Variants in TCF7L1 observed in about 807,000 individuals in gnomAD.
The protein encoded by TCF7L1 is transcription factor 7 like 1, also known as transcription factor 7-like 1.
In TCF7L1, 18 loss-of-function variants were observed where a neutral mutation model predicts 63.7. The observed-to-expected ratio is 0.28, with a 90% CI of 0.20 to 0.42. The LOEUF is 0.42. TCF7L1 is among the 10% of genes least tolerant of loss of function. The pLI is 1.00. For synonymous variants in TCF7L1, 355 were observed against 340.9 expected (o/e 1.04, Z -0.46); for missense variants, 654 against 779.3 (o/e 0.84, Z 1.91).
chr2:85,149,268 C>G (rs1354761532), intron 3 of TCF7L1, among the ~76,000 whole-genome samples: 1 of 148,016 alleles, frequency 6.8e-6, no homozygotes, highest in Non-Finnish European at 1.5e-5. Context: ...TAGCTATCAA[C>G]AAGATAATGT....
chr2:85,152,713 G>A (rs1390753305), intron 3 of TCF7L1, among the ~76,000 whole-genome samples: 2 of 134,278 alleles, frequency 1.5e-5, no homozygotes, highest in Non-Finnish European at 3.1e-5. Context: ...GGGATTACAG[G>A]TGTGAGCCAC....
chr2:85,151,974 A>G (rs967698905), intron 3 of TCF7L1, among the ~76,000 whole-genome samples: 29 of 152,372 alleles, frequency 1.9e-4, no homozygotes, highest in African/African-American at 3.8e-4. Context: ...AAGGTGACCA[A>G]TGAAGCTTAA....
chr2:85,287,725 A>G (rs534452272), intron 4 of TCF7L1, among the ~76,000 whole-genome samples: 2 of 152,302 alleles, frequency 1.3e-5, no homozygotes, highest in East Asian at 3.9e-4. Context: ...AGATGGGGAG[A>G]AGACCATCAT....
chr2:85,285,315 T>C (rs1364672755), intron 4 of TCF7L1, among the ~76,000 whole-genome samples: 1 of 152,018 alleles, frequency 6.6e-6, no homozygotes, highest in African/African-American at 2.4e-5. Context: ...GAAAGCTAAA[T>C]AAATAAGGGT....
intron 3 of TCF7L1, among the ~76,000 whole-genome samples, chr2:85,212,285 A>G (rs1679572138): frequency 6.6e-6 from 1 of 152,052 alleles, no homozygotes; most frequent in African/African-American, 2.4e-5. Context: ...TGGACCCACC[A>G]CTTACCAGCT....
chr2:85,157,199 C>T (rs1384146246), intron 3 of TCF7L1, among the ~76,000 whole-genome samples: 1 of 152,156 alleles, frequency 6.6e-6, no homozygotes, highest in African/African-American at 2.4e-5. Context: ...GAACAGTGTT[C>T]CTAATGTCAC....
At chr2:85,162,051 G>C (rs969050973) in intron 3 of TCF7L1, among the ~76,000 whole-genome samples, 3 of 151,266 alleles carry the variant, frequency 2.0e-5, no homozygotes, top group African/African-American at 7.3e-5. Context: ...CCCAAAAGTT[G>C]AGATTTAAAA....
chr2:85,250,545 T>G (rs1680564579), intron 3 of TCF7L1, among the ~76,000 whole-genome samples: 1 of 152,058 alleles, frequency 6.6e-6, no homozygotes, highest in Non-Finnish European at 1.5e-5. Flanking sequence ...CAAGCGATTC[T>G]CGTGCCTCAG....
At chr2:85,262,405 A>G (rs1041133899) in intron 3 of TCF7L1, 1 of 384,676 alleles carries the variant, frequency 2.6e-6, no homozygotes, top group Non-Finnish European at 5.2e-6. Flanking sequence ...AAAAAAAAAA[A>G]CTAAAAAGAA....
At chr2:85,260,934 CTGAGAAT>C (rs1391544011) in intron 3 of TCF7L1, among the ~76,000 whole-genome samples, 2 of 152,268 alleles carry the variant, frequency 1.3e-5, no homozygotes, top group African/African-American at 4.8e-5. Context: ...ATTACAATGA[CTGAGAAT>C]TTGCTCTCCC....
At chr2:85,247,737 A>C (rs1680497758) in intron 3 of TCF7L1, among the ~76,000 whole-genome samples, 1 of 152,218 alleles carries the variant, frequency 6.6e-6, no homozygotes, top group East Asian at 1.9e-4. Context: ...GCTGGATTCC[A>C]TTTCTTTGTG....
intron 3 of TCF7L1, among the ~76,000 whole-genome samples, chr2:85,238,707 C>T (rs1025608960): frequency 6.6e-6 from 1 of 152,016 alleles, no homozygotes; most frequent in Non-Finnish European, 1.5e-5. Context: ...CAGAGGACTG[C>T]GCAGCACAGT....
chr2:85,203,406 C>G (rs1057451325), intron 3 of TCF7L1, among the ~76,000 whole-genome samples: 3 of 152,126 alleles, frequency 2.0e-5, no homozygotes, highest in African/African-American at 7.2e-5. Flanking sequence ...TCAGACTCAG[C>G]TAAATGGAAA....
chr2:85,256,976 C>G (rs1421352393), intron 3 of TCF7L1, among the ~76,000 whole-genome samples: 1 of 107,402 alleles, frequency 9.3e-6, no homozygotes, highest in Non-Finnish European at 2.2e-5. Context: ...GAGTGAGACT[C>G]TGTCTTAAAA....
chr2:85,283,992 CTGTTTTTGTTTTTGTTTT>C (rs548206677), intron 4 of TCF7L1, among the ~76,000 whole-genome samples: 2 of 152,158 alleles, frequency 1.3e-5, no homozygotes, highest in African/African-American at 4.8e-5. Context: ...AGAGGCTCTT[CTGTTTTTGTTTTTGTTTT>C]TGTTTTTGTT....
intron 3 of TCF7L1, among the ~76,000 whole-genome samples, chr2:85,231,040 A>G (rs1223404049): frequency 6.6e-6 from 1 of 152,222 alleles, no homozygotes; most frequent in African/African-American, 2.4e-5. Context: ...AAATGTTCCC[A>G]GAAACATTAT....
intron 3 of TCF7L1, among the ~76,000 whole-genome samples, chr2:85,270,231 G>C (rs1033589709): frequency 9.9e-5 from 15 of 152,204 alleles, no homozygotes; most frequent in Non-Finnish European, 2.2e-4. Flanking sequence ...TCAATACCTG[G>C]GATGCTTTCC....
chr2:85,164,039 G>A (rs1678353698), intron 3 of TCF7L1, among the ~76,000 whole-genome samples: 1 of 152,112 alleles, frequency 6.6e-6, no homozygotes, highest in South Asian at 2.1e-4. Flanking sequence ...GGTGTATGAG[G>A]GGGATTCAAT....
At chr2:85,207,910 T>G (rs1056194832) in intron 3 of TCF7L1, among the ~76,000 whole-genome samples, 3 of 151,794 alleles carry the variant, frequency 2.0e-5, no homozygotes, top group African/African-American at 7.3e-5. Flanking sequence ...TTAAATGCAT[T>G]TTTTTTGGGG....
Sources: gnomAD v4.1 joint callset for allele counts (sites outside exome capture counted in the v4.1 genomes callset) on GRCh38, gnomAD v4.1.1 for gene constraint, MANE v1.5 for transcripts, NCBI Gene and HGNC (gene_info 2026-07-23, HGNC 2026-07-21) for gene names.